The following COL4A5 variants were observed in gnomAD, a reference collection of about 807,000 sequenced individuals.
COL4A5 encodes the protein collagen alpha-5(IV) chain.
In COL4A5, 26 loss-of-function variants were observed where a neutral mutation model predicts 130.2. The observed-to-expected ratio is 0.20, with a 90% CI of 0.15 to 0.28. The LOEUF (loss-of-function observed/expected upper bound fraction) is 0.28. COL4A5 is among the 10% of genes least tolerant of loss of function. The pLI, the probability that COL4A5 is intolerant of heterozygous loss-of-function variation, is 1.00. For missense variants in COL4A5, 1,131 were observed against 1,344.3 expected, an observed-to-expected ratio of 0.84 and a Z score of 2.48; for synonymous variants, 496 against 439.6, an observed-to-expected ratio of 1.13 and a Z score of -1.60.
intron 44 of COL4A5, among the ~76,000 whole-genome samples, chrX:108,679,249 C>T (rs1386553583): frequency 1.8e-5 from 2 of 111,887 alleles, no homozygotes; most frequent in Non-Finnish European, 3.8e-5. Flanking sequence ...TACCAATACT[C>T]ATCAAAAATT....
intron 40 of COL4A5, among the ~76,000 whole-genome samples, chrX:108,667,866 G>T (rs188570538): frequency 7.4e-4 from 82 of 111,140 alleles, no homozygotes; most frequent in African/African-American, 2.5e-3. Flanking sequence ...TTTGCTAGAC[G>T]GTGATTATAA....
chrX:108,596,072 T>C (rs2066511947), intron 22 of COL4A5, among the ~76,000 whole-genome samples: 1 of 111,683 alleles, frequency 9.0e-6, no homozygotes, highest in African/African-American at 3.3e-5. Context: ...CTATCCCCCT[T>C]TCCAGTCAAA....
At chrX:108,672,062 A>T (rs1273207360) in intron 42 of COL4A5, among the ~76,000 whole-genome samples, 2 of 112,019 alleles carry the variant, frequency 1.8e-5, no homozygotes, top group East Asian at 5.6e-4. Context: ...CAGGGAGCAG[A>T]CTGTTCGCTG....
At chrX:108,571,142 G>A (rs953389024) in intron 6 of COL4A5, among the ~76,000 whole-genome samples, 5 of 111,804 alleles carry the variant, frequency 4.5e-5, no homozygotes, top group East Asian at 2.8e-4. Context: ...TGGCGTGATC[G>A]TCTCAAAATG....
chrX:108,605,089 TC>T (rs1171464994), intron 28 of COL4A5, among the ~76,000 whole-genome samples: 6 of 112,471 alleles, frequency 5.3e-5, no homozygotes, highest in Non-Finnish European at 9.4e-5. Context: ...ATTCGTGTGT[TC>T]ACTGGAGTAG....
Position 108,696,339 on chromosome X carries a change from A to G in COL4A5, c.5037A>G (p.Thr1679=). Residue 1679 remains threonine, a synonymous_variant, in exon 53 of 53, where the codon ACA becomes ACG. Transcript: ENST00000328300. ...SETLKAGDLR[T]RISRCQVCMK... ...CGCTGAAAGCAGGAGACTTGAGGAC[A>G]CGAATTAGCCGATGTCAAGTGTGCA... 8.3e-7 allele frequency: 1 copy of G among 1,210,720 alleles called. No individual in the cohort carries two copies. Among genetic ancestry groups the G allele is most frequent in the Non-Finnish European group, 1.1e-6 (1 of 894,452 alleles).
chrX:108,484,785 A>G (rs1191577523), intron 1 of COL4A5, among the ~76,000 whole-genome samples: 2 of 112,340 alleles, frequency 1.8e-5, no homozygotes, highest in South Asian at 3.7e-4. Flanking sequence ...TCCAAGGCTC[A>G]ATGCAACGAC....
chrX:108,548,621 A>T (rs936343775), intron 2 of COL4A5, among the ~76,000 whole-genome samples: 15 of 111,483 alleles, frequency 1.3e-4, no homozygotes, highest in African/African-American at 4.6e-4. Flanking sequence ...TTACAGATAT[A>T]AGAAGTCCAG....
intron 9 of COL4A5, among the ~76,000 whole-genome samples, 165 bp downstream of exon 9, chrX:108,573,819 G>C (rs1033494150): frequency 9.0e-6 from 1 of 111,592 alleles, no homozygotes; most frequent in Non-Finnish European, 1.9e-5. Flanking sequence ...ATCTGGACCA[G>C]GGAGAATTTT....
chrX:108,567,979 T>C (rs1170678376), intron 4 of COL4A5, among the ~76,000 whole-genome samples: 3 of 112,070 alleles, frequency 2.7e-5, no homozygotes, highest in African/African-American at 9.7e-5. Context: ...ACTTTAGCTA[T>C]AATAATGCTG....
rs1421089828 is a variant in COL4A5, at chrX:108,696,191, G to C, written c.4995-106G>C. ...GAAAAGTAAACCATTAAGTCACCAA[G>C]AGAGCTACTTAACACACAAAAAATG... On this transcript the variant is annotated intron_variant, in intron 52 of 52. Transcript: ENST00000328300. 8 of 639,078 alleles carry C rather than the reference G, an allele frequency of 1.3e-5. No individual in the cohort carries two copies. In the East Asian group the frequency reaches 2.6e-4, roughly 21 times the overall value. 52.7% of individuals were successfully genotyped at this position (639,078 alleles called of 1,213,427 possible). A position where few individuals can be genotyped will look rare whatever the true frequency, so the allele number is the denominator to read the frequency against.
At chrX:108,660,444 C>A (rs1484824829) in intron 37 of COL4A5, among the ~76,000 whole-genome samples, 1 of 111,681 alleles carries the variant, frequency 9.0e-6, no homozygotes, top group African/African-American at 3.2e-5. Flanking sequence ...AATTCTCTCA[C>A]CGTTAATTTA....
intron 37 of COL4A5, among the ~76,000 whole-genome samples, chrX:108,656,026 T>C (rs1225310856): frequency 8.9e-6 from 1 of 112,440 alleles, no homozygotes; most frequent in East Asian, 2.8e-4. Flanking sequence ...TTCCTTTTTA[T>C]TGAAGTGAAG....
chrX:108,680,319 A>G (rs964678871), intron 44 of COL4A5, among the ~76,000 whole-genome samples: 1 of 111,700 alleles, frequency 9.0e-6, no homozygotes, highest in Non-Finnish European at 1.9e-5. Flanking sequence ...CCCTTACCCA[A>G]CCACGGCCAG....
In COL4A5 at chrX:108,655,256, A is replaced by G. The variant is rs2067815088; in HGVS notation, c.3247-75A>G. ...GTGCCTGACATATAATAAAAGCTCT[A>G]TAAATAATGTTATGTTCTTATACAA... On this transcript the variant is annotated intron_variant, in intron 36 of 52. Transcript: ENST00000328300. The G allele has an allele frequency of 1.2e-5, 14 of 1,128,075 alleles. No homozygotes were observed. The South Asian group carries it at 2.2e-4, about 18-fold the overall frequency. The allele number at this position is 1,128,075 out of a possible 1,213,427, so 93.0% of individuals were successfully genotyped here. A position where few individuals can be genotyped will look rare whatever the true frequency, so the allele number is the denominator to read the frequency against.
chrX:108,474,087 A>T (rs372582678), intron 1 of COL4A5, among the ~76,000 whole-genome samples: 24 of 111,331 alleles, frequency 2.2e-4, no homozygotes, highest in African/African-American at 7.8e-4. Flanking sequence ...ATTTTTTATG[A>T]ATTTAATGTA....
rs147666839 is a variant in COL4A5, at chrX:108,520,382, A to T, written c.82-19364A>T. 4.6e-3 allele frequency among the ~76,000 whole-genome samples: 513 copies of T among 111,618 alleles called. 2 individuals are homozygous for T. Among genetic ancestry groups the T allele is most frequent in the African/African-American group, 0.016 (491 of 30,861 alleles). On this transcript the variant is annotated intron_variant, in intron 1 of 52. Coordinates refer to ENST00000328300, the MANE Select transcript of COL4A5 (RefSeq NM_033380.3). ...ATGTGTGTCTTTCATTTCATGAGGC[A>T]TTGTATTATATATGTCCATTAGAAC...
chrX:108,600,356 C>T (rs1158442967), intron 25 of COL4A5, among the ~76,000 whole-genome samples: 2 of 111,001 alleles, frequency 1.8e-5, no homozygotes, highest in Non-Finnish European at 3.8e-5. Context: ...AATTATCAAT[C>T]TTTTCTCTCA....
chrX:108,695,179 T>G (rs2068712412), intron 51 of COL4A5, 88 bp from the exon 52 acceptor site: 2 of 1,116,941 alleles, frequency 1.8e-6, no homozygotes, highest in Non-Finnish European at 2.5e-6. Flanking sequence ...AGATTTGAAT[T>G]TGGCCAAGCT....
Sources: allele counts gnomAD v4.1 joint callset (sites outside exome capture counted in the v4.1 genomes callset), GRCh38; gene constraint gnomAD v4.1.1; transcripts MANE v1.5; gene names NCBI Gene and HGNC (gene_info 2026-07-23, HGNC 2026-07-21).